The following SRGAP3 variants were observed in gnomAD, a reference collection of about 807,000 sequenced individuals.
SRGAP3 encodes the protein SLIT-ROBO Rho GTPase activating protein 3, also known as SLIT-ROBO Rho GTPase-activating protein 3.
Under a neutral mutation model 121.1 loss-of-function variants are expected in SRGAP3, and 39 were observed. The observed-to-expected ratio is 0.32, with a 90% CI of 0.25 to 0.42. The LOEUF (loss-of-function observed/expected upper bound fraction) is 0.42. Ranked by LOEUF, SRGAP3 falls within the 10% of genes least tolerant of loss-of-function variation. SRGAP3 has a pLI of 1.00. For synonymous variants in SRGAP3, 601 were observed against 570.0 expected, an observed-to-expected ratio of 1.05 and a Z score of -0.77; for missense variants, 1,213 against 1,470.6, an observed-to-expected ratio of 0.82 and a Z score of 2.86.
chr3:9,090,391 C>T (rs1947703331), intron 3 of SRGAP3, among the ~76,000 whole-genome samples: 1 of 144,826 alleles, frequency 6.9e-6, no homozygotes, highest in Admixed American at 7.0e-5. Flanking sequence ...CACCCATAAC[C>T]CTTATTTCTT....
intron 3 of SRGAP3, among the ~76,000 whole-genome samples, chr3:9,294,861 A>C (rs1954927345): frequency 6.6e-6 from 1 of 152,044 alleles, no homozygotes. Flanking sequence ...TCTTCTTCCA[A>C]ATGCCAAATG....
rs1181046861 is a variant in SRGAP3 at position 8,985,681 on chromosome 3, G to A, written c.3138C>T (p.Arg1046=). 1 of 1,595,938 alleles carries A rather than the reference G, an allele frequency of 6.3e-7. No individual in the cohort carries two copies. Among genetic ancestry groups the A allele is most frequent in the Admixed American group, 1.7e-5 (1 of 59,736 alleles). The change falls in exon 22 of 22, where the codon CGC becomes CGT. Residue 1046 remains arginine, a synonymous_variant. Coordinates refer to ENST00000383836, the MANE Select transcript of SRGAP3 (RefSeq NM_014850.4). This position sits in a 1 kb window ranked among gnomAD's most constrained non-coding sequence, Gnocchi z 5.1. Reference sequence around the variant, plus strand: ...GCGGGCGGAGCTGGGCGCCAGCCAGGCGGGCGGACAGGGCTGGCTTGAAGG... The same window carrying A: ...GCGGGCGGAGCTGGGCGCCAGCCAGACGGGCGGACAGGGCTGGCTTGAAGG... ...MTTFKPALSA[R]LAGAQLRPPP...
Position 8,985,101 on chromosome 3 carries a change from T to C in SRGAP3, c.*418A>G. On this transcript the variant is annotated 3_prime_UTR_variant, in exon 22 of 22. Transcript: ENST00000383836. This position sits in a 1 kb window ranked among gnomAD's most constrained non-coding sequence, Gnocchi z 5.1. Reference sequence around the variant, plus strand: ...ATGTATATAGATGCATAAATATATATATATATACACACACCTACAGACACG... The same window carrying C: ...ATGTATATAGATGCATAAATATATACATATATACACACACCTACAGACACG... 8.0e-6 allele frequency: 2 copies of C among 250,888 alleles called. No homozygotes were observed. The highest frequency in any genetic ancestry group is 7.7e-6 in the Non-Finnish European group (1 of 129,474). The allele number at this position is 250,888 out of a possible 1,614,324, so 15.5% of individuals were successfully genotyped here.
At chr3:9,271,411 G>A (rs1034890340) in intron 3 of SRGAP3, among the ~76,000 whole-genome samples, 1 of 152,186 alleles carries the variant, frequency 6.6e-6, no homozygotes, top group Non-Finnish European at 1.5e-5. Flanking sequence ...CTGAGCCAAG[G>A]AGCATTATCT....
At chr3:9,160,459 C>T (rs763053073) in intron 1 of SRGAP3, among the ~76,000 whole-genome samples, 1 of 152,164 alleles carries the variant, frequency 6.6e-6, no homozygotes, top group African/African-American at 2.4e-5. Context: ...GAGAGGTCCA[C>T]GTGGCGAGGA....
chr3:9,161,693 G>A (rs183389496), intron 1 of SRGAP3, among the ~76,000 whole-genome samples: 1 of 152,288 alleles, frequency 6.6e-6, no homozygotes, highest in African/African-American at 2.4e-5. Context: ...CCAACAATAG[G>A]AGGGAGAAAA....
At chr3:9,101,224 G>A (rs1051365078) in intron 3 of SRGAP3, among the ~76,000 whole-genome samples, 2 of 152,212 alleles carry the variant, frequency 1.3e-5, no homozygotes, top group Non-Finnish European at 2.9e-5. Context: ...GATGATAAAA[G>A]GGCTGGAAAA....
In SRGAP3 at chr3:8,994,509, C is replaced by G. The variant is rs771899704; in HGVS notation, c.2242G>C (p.Glu748Gln). Reference protein sequence around the residue: ...HTSDEEVEQIEAIAKFDYMGR... With the variant: ...HTSDEEVEQIQAIAKFDYMGR... ...ATGTAGTCAAACTTGGCAATAGCCT[C>G]GATCTGCTCCACTTCTGGAAGGAAA... is the stretch of plus-strand genomic sequence containing the variant. Residue 748 changes from glutamate to glutamine, a missense_variant, in exon 19 of 22, where the codon GAG becomes CAG. This residue lies in a region of SRGAP3 where 793 missense variants were observed against 1,032.9 expected (regional missense o/e 0.77). Transcript: ENST00000383836. 2.7e-5 allele frequency: 44 copies of G among 1,613,652 alleles called. No individual in the cohort carries two copies. The highest frequency in any genetic ancestry group is 3.6e-5 in the Non-Finnish European group (43 of 1,179,990).
intron 4 of SRGAP3, among the ~76,000 whole-genome samples, chr3:9,068,101 T>C (rs1946515147): frequency 6.6e-6 from 1 of 152,202 alleles, no homozygotes; most frequent in Non-Finnish European, 1.5e-5. Flanking sequence ...GTTTTTCATG[T>C]CTGGATCCCA....
chr3:9,203,846 G>A (rs575201161), intron 1 of SRGAP3, among the ~76,000 whole-genome samples: 13 of 152,300 alleles, frequency 8.5e-5, no homozygotes, highest in African/African-American at 2.4e-4. Context: ...TTTCATACCC[G>A]GGATTTCATT....
intron 1 of SRGAP3, among the ~76,000 whole-genome samples, chr3:9,226,539 A>T (rs1240012539): frequency 6.6e-6 from 1 of 152,178 alleles, no homozygotes; most frequent in Non-Finnish European, 1.5e-5. Context: ...GACTTCTATA[A>T]ACGCAGCCCA....
intron 3 of SRGAP3, among the ~76,000 whole-genome samples, chr3:9,320,130 G>T (rs1404567818): frequency 2.0e-5 from 3 of 151,924 alleles, no homozygotes; most frequent in African/African-American, 4.8e-5. Flanking sequence ...TGGAGCTATG[G>T]AAAAAGAGGA....
chr3:8,996,483 A>G (rs899330990), intron 18 of SRGAP3, among the ~76,000 whole-genome samples: 2 of 152,218 alleles, frequency 1.3e-5, no homozygotes, highest in Admixed American at 6.5e-5. Context: ...GGCCTCAAAC[A>G]GTCAAGTCAG....
chr3:9,266,950 C>G (rs1395295351), intron 3 of SRGAP3, among the ~76,000 whole-genome samples: 2 of 152,120 alleles, frequency 1.3e-5, no homozygotes, highest in African/African-American at 4.8e-5. Flanking sequence ...TGTTGGAAGA[C>G]ACAGGAGGGA....
chr3:9,342,320 C>G (rs7428023), intron 1 of SRGAP3, among the ~76,000 whole-genome samples: 12,838 of 150,664 alleles, frequency 0.085, 677 homozygotes, highest in Admixed American at 0.17. Context: ...CACTGTACTC[C>G]AGCCTGGGAG....
Position 8,983,227 on chromosome 3 carries a change from C to T in SRGAP3, c.*2292G>A. On this transcript the variant is annotated 3_prime_UTR_variant, in exon 22 of 22. Transcript: ENST00000383836. ...AAATCTTGGGCAGGTCACAGCACAG[C>T]CCAAGGCCTTACTCTCTTAAGCTGT... The T allele has an allele frequency of 4.4e-6, 1 of 227,098 alleles. No homozygotes were observed. The highest frequency in any genetic ancestry group is 8.7e-6 in the Non-Finnish European group (1 of 114,286). The allele number at this position is 227,098 out of a possible 1,614,324, so 14.1% of individuals were successfully genotyped here. A position where few individuals can be genotyped will look rare whatever the true frequency, so the allele number is the denominator to read the frequency against.
At chr3:9,292,239 A>C (rs1430404710) in intron 3 of SRGAP3, among the ~76,000 whole-genome samples, 2 of 152,230 alleles carry the variant, frequency 1.3e-5, no homozygotes, top group Non-Finnish European at 2.9e-5. Context: ...GCTGTGCCTC[A>C]TCCTTTGAGT....
intron 3 of SRGAP3, among the ~76,000 whole-genome samples, chr3:9,274,405 G>A (rs900543757): frequency 2.6e-5 from 4 of 152,210 alleles, no homozygotes; most frequent in East Asian, 1.9e-4. Flanking sequence ...ATCATGGGAG[G>A]GGGAGCATGC....
chr3:9,030,033 C>T (rs898184238), intron 12 of SRGAP3, among the ~76,000 whole-genome samples: 1 of 151,892 alleles, frequency 6.6e-6, no homozygotes, highest in Non-Finnish European at 1.5e-5. Context: ...ATGCGTATAG[C>T]CCCAGCTACT....
Sources: gnomAD v4.1 joint callset for allele counts (sites outside exome capture counted in the v4.1 genomes callset) on GRCh38, gnomAD v4.1.1 for gene constraint, gnomAD v4.1.1 regional missense constraint, Gnocchi (gnomAD v3.1) non-coding constraint, MANE v1.5 for transcripts, NCBI Gene and HGNC (gene_info 2026-07-23, HGNC 2026-07-21) for gene names.